Variants in WEE1 observed in about 807,000 individuals in gnomAD.
WEE1 encodes the protein WEE1 G2 checkpoint kinase.
A neutral mutation model predicts 68.8 loss-of-function variants in WEE1; 16 were observed. That is an observed-to-expected ratio of 0.23 (90% CI 0.16 to 0.35). The LOEUF (loss-of-function observed/expected upper bound fraction) is 0.35, where lower values mean the gene tolerates loss of function less well. Among genes scored for constraint, WEE1 ranks in the 10% least tolerant of loss-of-function variants. WEE1 has a pLI of 1.00. For missense variants in WEE1, 651 were observed against 824.1 expected, an observed-to-expected ratio of 0.79 and a Z score of 2.57; for synonymous variants, 349 against 318.7, an observed-to-expected ratio of 1.09 and a Z score of -1.01.
intron 6 of WEE1, among the ~76,000 whole-genome samples, chr11:9,584,038 GT>G (rs1849673355): frequency 6.6e-6 from 1 of 151,226 alleles, no homozygotes; most frequent in Admixed American, 6.6e-5. Flanking sequence ...TAGAGATGGG[GT>G]TTTGTCATGC....
At position 9,576,105 on chromosome 11, in the gene WEE1, A is replaced by C; in HGVS notation, c.782+12A>C. On this transcript the variant is annotated intron_variant, in intron 2 of 10. Coordinates refer to ENST00000450114, the MANE Select transcript of WEE1 (RefSeq NM_003390.4). The surrounding 1 kb of genome is among the most constrained non-coding windows in gnomAD (Gnocchi z 4.3). ...ACGTATTGGAATGAGTAAGTCGTTT[A>C]TTTAACAGTTTGGTTCTCCAAATAA... 6.2e-7 allele frequency: 1 copy of C among 1,613,554 alleles called. No individual in the cohort carries two copies. The highest frequency in any genetic ancestry group is 8.5e-7 in the Non-Finnish European group (1 of 1,179,570).
Position 9,576,032 on chromosome 11 carries a change from G to C in WEE1, c.721G>C (p.Asp241His). The C allele has an allele frequency of 6.2e-7, 1 of 1,614,170 alleles. No individual in the cohort carries two copies. Reference protein sequence around the residue: ...PQVNINPFTPDSLLLHSSGQC... With the variant: ...PQVNINPFTPHSLLLHSSGQC... Reference sequence around the variant, plus strand: ...AGTGAATATTAATCCTTTTACTCCGGATTCTTTGTTGCTTCATTCCTCAGG... The same window carrying C: ...AGTGAATATTAATCCTTTTACTCCGCATTCTTTGTTGCTTCATTCCTCAGG... The change falls in exon 2 of 11, where the codon GAT becomes CAT. Residue 241 changes from aspartate to histidine, a missense_variant. Asp to His is a moderately conservative substitution (Grantham distance 81). Coordinates refer to ENST00000450114, the MANE Select transcript of WEE1 (RefSeq NM_003390.4). This position sits in a 1 kb window ranked among gnomAD's most constrained non-coding sequence, Gnocchi z 4.3.
At chr11:9,585,047 C>T (rs996081243) in intron 6 of WEE1, 1 of 533,590 alleles carries the variant, frequency 1.9e-6, no homozygotes, top group South Asian at 2.4e-5. Context: ...GCTTGGGTGA[C>T]AGAGCACACT....
intron 8 of WEE1, 120 bp from the exon 9 acceptor site, chr11:9,586,328 TA>T: frequency 1.2e-6 from 1 of 845,160 alleles, no homozygotes; most frequent in Non-Finnish European, 1.8e-6. Context: ...GTCCCAAACT[TA>T]AATGTGGTAT....
At chr11:9,583,757 G>GCA (rs1565089818) in intron 6 of WEE1, among the ~76,000 whole-genome samples, 56 of 11,512 alleles carry the variant, frequency 4.9e-3, no homozygotes, top group Admixed American at 0.01. Flanking sequence ...GCGTGCACGC[G>GCA]CGCGCACACA....
At position 9,574,409 on chromosome 11, in the gene WEE1, C is replaced by A; in HGVS notation, c.476C>A (p.Ala159Glu). The A allele has an allele frequency of 1.7e-6, 2 of 1,211,824 alleles. No individual in the cohort carries two copies. Among genetic ancestry groups the A allele is most frequent in the Non-Finnish European group, 2.0e-6 (2 of 979,838 alleles). The allele number at this position is 1,211,824 out of a possible 1,614,324, so 75.1% of individuals were successfully genotyped here. A position where few individuals can be genotyped will look rare whatever the true frequency, so the allele number is the denominator to read the frequency against. Residue 159 changes from alanine to glutamate, a missense_variant, in exon 1 of 11, where the codon GCG (alanine) becomes GAG (glutamate). By Grantham distance (107) the Ala-to-Glu change is moderately radical. Coordinates refer to ENST00000450114, the MANE Select transcript of WEE1 (RefSeq NM_003390.4). This position sits in a 1 kb window ranked among gnomAD's most constrained non-coding sequence, Gnocchi z 4.9. ...ASPRGCGARRAGEGRRSPRPD... is the reference protein window; with the variant it reads ...ASPRGCGARREGEGRRSPRPD... ...CCGCGGGGTTGCGGGGCGCGCCGGG[C>A]GGGCGAAGGCCGCCGCTCGCCGCGG... is the stretch of plus-strand genomic sequence containing the variant.
Position 9,581,635 on chromosome 11 carries a change from G to GTA in WEE1, c.1249_1250dup (p.His418PhefsTer11). The GTA allele has an allele frequency of 6.2e-7, 1 of 1,613,320 alleles. No homozygotes were observed. The highest frequency in any genetic ancestry group is 8.5e-7 in the Non-Finnish European group (1 of 1,179,838). The stretch of plus-strand genomic sequence containing the variant: ...TTTTGCAAGTTGGCCGAGGCTTGAG[G>GTA]TATATTCATTCAATGTCTTTGGTTC... On this transcript the variant is annotated frameshift_variant, in exon 6 of 11. Coordinates refer to ENST00000450114, the MANE Select transcript of WEE1 (RefSeq NM_003390.4). LOFTEE classifies it high-confidence loss of function.
At position 9,576,755 on chromosome 11, in the gene WEE1, C is replaced by G; in HGVS notation, c.1019+96C>G. ...GTCAAACACTGAATTCCATCTCTAA[C>G]TTTTGAGAAGCTGTAATGATTTAAT... On this transcript the variant is annotated intron_variant, in intron 4 of 10. Coordinates refer to ENST00000450114, the MANE Select transcript of WEE1 (RefSeq NM_003390.4). The surrounding 1 kb of genome is among the most constrained non-coding windows in gnomAD (Gnocchi z 4.3). 2 of 1,285,536 alleles carry G rather than the reference C, an allele frequency of 1.6e-6. No individual in the cohort carries two copies. Among genetic ancestry groups the G allele is most frequent in the East Asian group, 2.4e-5 (1 of 42,332 alleles). The allele number at this position is 1,285,536 out of a possible 1,614,324, so 79.6% of individuals were successfully genotyped here. A position where few individuals can be genotyped will look rare whatever the true frequency, so the allele number is the denominator to read the frequency against.
chr11:9,583,792 CACACACACACATATATATATAT>C (rs1251012412), intron 6 of WEE1, among the ~76,000 whole-genome samples: 9 of 31,020 alleles, frequency 2.9e-4, no homozygotes, highest in African/African-American at 1.0e-3. Flanking sequence ...CACACACACA[CACACACACACATATATATATAT>C]ATATATATAT....
chr11:9,583,757 G>GCACA (rs1565089818), intron 6 of WEE1, among the ~76,000 whole-genome samples: 29 of 11,530 alleles, frequency 2.5e-3, no homozygotes, highest in Admixed American at 6.6e-3. Flanking sequence ...GCGTGCACGC[G>GCACA]CGCGCACACA....
chr11:9,574,396 G>C lies in WEE1; in HGVS notation c.463G>C (p.Gly155Arg). The C allele has an allele frequency of 8.2e-7, 1 of 1,212,854 alleles. No homozygotes were observed. The highest frequency in any genetic ancestry group is 1.0e-6 in the Non-Finnish European group (1 of 980,002). The allele number at this position is 1,212,854 out of a possible 1,614,324, so 75.1% of individuals were successfully genotyped here. The change falls in exon 1 of 11, where the codon GGG becomes CGG. Residue 155 changes from glycine to arginine, a missense_variant. By Grantham distance (125) the Gly-to-Arg change is moderately radical. Coordinates refer to ENST00000450114, the MANE Select transcript of WEE1 (RefSeq NM_003390.4). This position sits in a 1 kb window ranked among gnomAD's most constrained non-coding sequence, Gnocchi z 4.9. The stretch of plus-strand genomic sequence containing the variant: ...AGGAGATGCGTCGCCGCGGGGTTGC[G>C]GGGCGCGCCGGGCGGGCGAAGGCCG... ...GPGDASPRGC[G>R]ARRAGEGRRS...
chr11:9,573,906 T>A lies in WEE1; in HGVS notation c.-28T>A. ...TGGACCCCGCAGGCCTCCGCTCTCC[T>A]GTCCTCGGCCCCGTCCCCAGGGCCG... On this transcript the variant is annotated 5_prime_UTR_variant, in exon 1 of 11. Coordinates refer to ENST00000450114, the MANE Select transcript of WEE1 (RefSeq NM_003390.4). The A allele has an allele frequency of 8.1e-7, 1 of 1,235,960 alleles. No individual in the cohort carries two copies. Among genetic ancestry groups the A allele is most frequent in the African/African-American group, 1.6e-5 (1 of 63,670 alleles). 76.6% of individuals were successfully genotyped at this position (1,235,960 alleles called of 1,614,324 possible).
Position 9,589,714 on chromosome 11 carries a change from T to C in WEE1, c.*1112T>C. ...GCACTTGTCTTTGACTTGTGTTTTA[T>C]TAACATTGATTGGCATATTAAAAGT... On this transcript the variant is annotated 3_prime_UTR_variant, in exon 11 of 11. Transcript: ENST00000450114. 2 of 985,744 alleles carry C rather than the reference T, an allele frequency of 2.0e-6. No homozygotes were observed. Among genetic ancestry groups the C allele is most frequent in the African/African-American group, 1.7e-5 (1 of 57,380 alleles). The allele number at this position is 985,744 out of a possible 1,614,324, so 61.1% of individuals were successfully genotyped here.
Position 9,576,711 on chromosome 11 carries a change from A to G in WEE1, c.1019+52A>G, listed in dbSNP as rs764886893. ...CTCTTTTGTCCCCTATGGTGTTACT[A>G]ACATTAAGGTTTCAGCTGGTCAAAC... On this transcript the variant is annotated intron_variant, in intron 4 of 10. Transcript: ENST00000450114. This position sits in a 1 kb window ranked among gnomAD's most constrained non-coding sequence, Gnocchi z 4.3. The G allele has an allele frequency of 6.4e-7, 1 of 1,551,232 alleles. No homozygotes were observed. The highest frequency in any genetic ancestry group is 2.1e-5 in the Admixed American group (1 of 48,310).
chr11:9,586,866 G>A lies in WEE1; in HGVS notation c.1787+10G>A. On this transcript the variant is annotated intron_variant, in intron 10 of 10. Transcript: ENST00000450114. ...ATTCACTTTTACAAAAGTAAGTGAGGGTTTTATGTTTTCTTTTTGCTTTTT... is the reference window on the plus strand; with the variant it reads ...ATTCACTTTTACAAAAGTAAGTGAGAGTTTTATGTTTTCTTTTTGCTTTTT... 6.3e-7 allele frequency: 1 copy of A among 1,587,978 alleles called. No homozygotes were observed. Among genetic ancestry groups the A allele is most frequent in the Non-Finnish European group, 8.5e-7 (1 of 1,170,662 alleles).
At position 9,574,725 on chromosome 11, in the gene WEE1, T is replaced by G; in HGVS notation, c.576+216T>G. On this transcript the variant is annotated intron_variant, in intron 1 of 10. Coordinates refer to ENST00000450114, the MANE Select transcript of WEE1 (RefSeq NM_003390.4). This position sits in a 1 kb window ranked among gnomAD's most constrained non-coding sequence, Gnocchi z 4.9. The stretch of plus-strand genomic sequence containing the variant: ...ATGGGCCTCGTCTGGAACTTCATCT[T>G]ACAAAGGGGCCGATCGGCCCGTCCG... 2.9e-6 allele frequency: 3 copies of G among 1,041,930 alleles called. No individual in the cohort carries two copies. The allele number at this position is 1,041,930 out of a possible 1,614,324, so 64.5% of individuals were successfully genotyped here.
At chr11:9,584,542 A>G (rs773608662) in intron 6 of WEE1, among the ~76,000 whole-genome samples, 1 of 152,226 alleles carries the variant, frequency 6.6e-6, no homozygotes, top group Non-Finnish European at 1.5e-5. Flanking sequence ...GGTAATGTGT[A>G]TACAATAGGA....
intron 5 of WEE1, chr11:9,580,220 CTGTG>C (rs1217469373): frequency 1.7e-4 from 23 of 134,164 alleles, no homozygotes; most frequent in African/African-American, 6.0e-4. Context: ...ACAGCCTTCT[CTGTG>C]GAGAAGAGTG....
chr11:9,574,902 C>A lies in WEE1; in HGVS notation c.576+393C>A. The A allele has an allele frequency of 1.0e-6, 1 of 986,298 alleles. No individual in the cohort carries two copies. The highest frequency in any genetic ancestry group is 1.2e-6 in the Non-Finnish European group (1 of 830,602). 61.1% of individuals were successfully genotyped at this position (986,298 alleles called of 1,614,324 possible). On this transcript the variant is annotated intron_variant, in intron 1 of 10. Transcript: ENST00000450114. The surrounding 1 kb of genome is among the most constrained non-coding windows in gnomAD (Gnocchi z 4.9). ...GCCATAGGATGCCTTTTAAACGCGG[C>A]GATCGGGCCTGTAATTTGGGCGGCG...
Sources: allele counts gnomAD v4.1 joint callset (sites outside exome capture counted in the v4.1 genomes callset), GRCh38; gene constraint gnomAD v4.1.1; non-coding constraint Gnocchi (gnomAD v3.1); transcripts MANE v1.5; gene names NCBI Gene and HGNC (gene_info 2026-07-23, HGNC 2026-07-21).